PCDHGB6: variants seen among roughly 807,000 people sequenced by gnomAD.
PCDHGB6 encodes the protein protocadherin gamma-B6.
A neutral mutation model predicts 59.1 loss-of-function variants in PCDHGB6; 51 were observed. The ratio of observed to expected loss-of-function variants is 0.86; its 90% CI spans 0.69 to 1.09. PCDHGB6 has a LOEUF of 1.09. Among genes scored for constraint, PCDHGB6 ranks in the 50% least tolerant of loss-of-function variants. The pLI is 0.00. For missense variants in PCDHGB6, 1,148 were observed against 1,205.1 expected, an observed-to-expected ratio of 0.95 and a Z score of 0.70; for synonymous variants, 466 against 495.1, an observed-to-expected ratio of 0.94 and a Z score of 0.78.
At chr5:141,422,934 C>T in intron 1 of PCDHGB6, 1 of 1,614,254 alleles carries the variant, frequency 6.2e-7, no homozygotes, top group Non-Finnish European at 8.5e-7. Context: ...CTGCCCTCCC[C>T]ACAGACGGCT....
At chr5:141,416,870 A>G (rs1315073474) in intron 1 of PCDHGB6, 4 of 152,154 alleles carry the variant, frequency 2.6e-5, no homozygotes, top group Non-Finnish European at 5.9e-5. Flanking sequence ...GTCAGTCAAC[A>G]TTTGTTGAAT....
chr5:141,441,343 C>T (rs2098240806), intron 1 of PCDHGB6: 1 of 152,368 alleles, frequency 6.6e-6, no homozygotes, highest in African/African-American at 2.4e-5. Flanking sequence ...TAATTAACTA[C>T]ATGCTTGTAA....
intron 1 of PCDHGB6, chr5:141,415,268 T>C: frequency 6.2e-7 from 1 of 1,614,174 alleles, no homozygotes; most frequent in Non-Finnish European, 8.5e-7. Flanking sequence ...CTGTACCTGG[T>C]GGTAGCGGTG....
intron 3 of PCDHGB6, among the ~76,000 whole-genome samples, chr5:141,505,973 G>A (rs1207489923): frequency 6.6e-6 from 1 of 152,166 alleles, no homozygotes; most frequent in Non-Finnish European, 1.5e-5. Context: ...ATCCCCAGCC[G>A]AGAGAACACC....
rs577658697 is a variant in PCDHGB6, at chr5:141,408,804, A to G, written c.602A>G (p.Asp201Gly). 1.9e-6 allele frequency: 3 copies of G among 1,613,264 alleles called. No homozygotes were observed. Among genetic ancestry groups the G allele is most frequent in the African/African-American group, 2.7e-5 (2 of 75,024 alleles). The change falls in exon 1 of 4, where the codon GAC becomes GGC. Residue 201 changes from aspartate to glycine, a missense_variant. By Grantham distance (94) the Asp-to-Gly change is moderately conservative. Transcript: ENST00000520790. ...YPELSLEKLL[D>G]REEQRSHSLI... ...GAGTTATCTCTGGAGAAACTCCTAG[A>G]CCGGGAAGAACAGAGATCTCATAGC...
Position 141,422,497 on chromosome 5 carries a change from A to G in PCDHGB6, c.2418+11877A>G, listed in dbSNP as rs1257927470. 1.9e-6 allele frequency: 3 copies of G among 1,613,874 alleles called. No homozygotes were observed. In the African/African-American group the frequency reaches 4.0e-5, roughly 22 times the overall value. On this transcript the variant is annotated intron_variant, in intron 1 of 3. Transcript: ENST00000520790. Reference sequence around the variant, plus strand: ...GGTCCAGAGCTACAATATAACGTTGACAGCCACAGACCAGGGAAGCCCGCC... The same window carrying G: ...GGTCCAGAGCTACAATATAACGTTGGCAGCCACAGACCAGGGAAGCCCGCC...
At position 141,491,489 on chromosome 5, in the gene PCDHGB6, A is replaced by T; in HGVS notation, c.2419-3318A>T. 1.2e-6 allele frequency: 2 copies of T among 1,614,130 alleles called. No individual in the cohort carries two copies. Among genetic ancestry groups the T allele is most frequent in the Non-Finnish European group, 1.7e-6 (2 of 1,180,018 alleles). On this transcript the variant is annotated intron_variant, in intron 1 of 3. Coordinates refer to ENST00000520790, the MANE Select transcript of PCDHGB6 (RefSeq NM_018926.3). This position sits in a 1 kb window ranked among gnomAD's most constrained non-coding sequence, Gnocchi z 6.9. ...TATAAGCAGTCCAGCCCCAACCTGC[A>T]GGTGAGCTCGGACGGCACGCTCAAG... is the stretch of plus-strand genomic sequence containing the variant.
chr5:141,439,904 C>T (rs1175032042), intron 1 of PCDHGB6: 2 of 152,364 alleles, frequency 1.3e-5, no homozygotes, highest in East Asian at 1.9e-4. Context: ...GCGACTACTG[C>T]CTCCTTTCCT....
intron 1 of PCDHGB6, among the ~76,000 whole-genome samples, chr5:141,454,343 A>G (rs1161350416): frequency 2.6e-5 from 4 of 152,248 alleles, no homozygotes; most frequent in African/African-American, 7.2e-5. Flanking sequence ...AAATGTTGGA[A>G]GTTGATCCAA....
intron 1 of PCDHGB6, among the ~76,000 whole-genome samples, chr5:141,480,672 T>A (rs1053078255): frequency 2.0e-5 from 3 of 152,166 alleles, no homozygotes; most frequent in African/African-American, 7.2e-5. Context: ...CCTAGAGACC[T>A]TTTAAAAATT....
At chr5:141,450,627 C>T (rs947866993) in intron 1 of PCDHGB6, among the ~76,000 whole-genome samples, 13 of 151,592 alleles carry the variant, frequency 8.6e-5, no homozygotes, top group African/African-American at 3.2e-4. Context: ...GCTGGGATTA[C>T]AGATGCCTGC....
intron 1 of PCDHGB6, chr5:141,417,831 C>T: frequency 5.2e-6 from 8 of 1,526,966 alleles, no homozygotes; most frequent in Non-Finnish European, 7.1e-6. Flanking sequence ...ACTGGAAAAG[C>T]GGGGACCCAG....
chr5:141,419,645 G>T, intron 1 of PCDHGB6: 1 of 1,612,478 alleles, frequency 6.2e-7, no homozygotes, highest in African/African-American at 1.3e-5. Context: ...GGCCGTGGAC[G>T]CGGACTCGGG....
At chr5:141,450,831 T>TA (rs761717068) in intron 1 of PCDHGB6, among the ~76,000 whole-genome samples, 7,796 of 144,584 alleles carry the variant, frequency 0.054, 354 homozygotes, top group African/African-American at 0.12. Context: ...TTATTATTAT[T>TA]TTTTTTTTTT....
intron 1 of PCDHGB6, among the ~76,000 whole-genome samples, chr5:141,488,434 C>T (rs1231743982): frequency 2.6e-5 from 4 of 152,166 alleles, no homozygotes; most frequent in African/African-American, 7.2e-5. Flanking sequence ...TGGCCTCTGA[C>T]CACCCTCCTG....
At chr5:141,414,285 A>G (rs766515802) in intron 1 of PCDHGB6, 1 of 1,613,634 alleles carries the variant, frequency 6.2e-7, no homozygotes, top group East Asian at 2.2e-5. Context: ...GAACAGTCGT[A>G]GCCCTTTTAA....
chr5:141,409,436 C>G lies in PCDHGB6; in HGVS notation c.1234C>G (p.Arg412Gly), dbSNP rs368696166. The G allele has an allele frequency of 1.2e-6, 2 of 1,613,982 alleles. No homozygotes were observed. The highest frequency in any genetic ancestry group is 1.7e-6 in the Non-Finnish European group (2 of 1,179,892). Residue 412 changes from arginine to glycine, a missense_variant, in exon 1 of 4, where the codon CGA (arginine) becomes GGA (glycine). Physicochemically the swap from Arg to Gly is moderately radical, Grantham distance 125. Coordinates refer to ENST00000520790, the MANE Select transcript of PCDHGB6 (RefSeq NM_018926.3). The stretch of plus-strand genomic sequence containing the variant: ...ACTGGTGACAGATGGAGCCCTGGAC[C>G]GAGAGCAGACACCAGAATACAATGT... ...YKLVTDGALD[R>G]EQTPEYNVTI...
In PCDHGB6 at chr5:141,409,448, C is replaced by T; in HGVS notation, c.1246C>T (p.Pro416Ser). Residue 416 changes from proline to serine, a missense_variant, in exon 1 of 4, where the codon CCA (proline) becomes TCA (serine). Around this residue, in one of 5 missense-constraint regions of PCDHGB6, gnomAD observed 549 missense variants for 527.5 expected, o/e 1.04. Coordinates refer to ENST00000520790, the MANE Select transcript of PCDHGB6 (RefSeq NM_018926.3). Reference protein sequence around the residue: ...TDGALDREQTPEYNVTIVATD... With the variant: ...TDGALDREQTSEYNVTIVATD... ...TGGAGCCCTGGACCGAGAGCAGACA[C>T]CAGAATACAATGTCACCATCGTAGC... 6.2e-7 allele frequency: 1 copy of T among 1,613,546 alleles called. No individual in the cohort carries two copies. Among genetic ancestry groups the T allele is most frequent in the Non-Finnish European group, 8.5e-7 (1 of 1,179,454 alleles).
At position 141,474,586 on chromosome 5, in the gene PCDHGB6, A is replaced by T. The variant is rs149003643; in HGVS notation, c.2419-20221A>T. 7.1e-4 allele frequency among the ~76,000 whole-genome samples: 108 copies of T among 152,340 alleles called. No individual in the cohort carries two copies. The East Asian group carries it at 0.015, about 21-fold the overall frequency. The stretch of plus-strand genomic sequence containing the variant: ...TCAGAGATTAATTGAAGTGTTAAAG[A>T]CATGGAAATATAGGTCACATATGGC... On this transcript the variant is annotated intron_variant, in intron 1 of 3. Coordinates refer to ENST00000520790, the MANE Select transcript of PCDHGB6 (RefSeq NM_018926.3).
Sources: allele counts gnomAD v4.1 joint callset (sites outside exome capture counted in the v4.1 genomes callset), GRCh38; gene constraint gnomAD v4.1.1; regional missense constraint gnomAD v4.1.1; non-coding constraint Gnocchi (gnomAD v3.1); transcripts MANE v1.5; gene names NCBI Gene and HGNC (gene_info 2026-07-23, HGNC 2026-07-21).